TRMT9B: variants seen among roughly 807,000 people sequenced by gnomAD.
TRMT9B encodes tRNA methyltransferase 9B (putative).
Under a neutral mutation model 11.5 loss-of-function variants are expected in TRMT9B, and 16 were observed. The observed-to-expected ratio is 1.39, with a 90% CI of 0.94 to 2.11. TRMT9B has a LOEUF of 2.11. Among genes scored for constraint, TRMT9B ranks in the 30% most tolerant of loss-of-function variants. The pLI is 0.00. For missense variants in TRMT9B, 941 were observed against 553.8 expected, an observed-to-expected ratio of 1.70 and a Z score of -7.02; for synonymous variants, 274 against 192.4, an observed-to-expected ratio of 1.42 and a Z score of -3.51.
At chr8:12,999,699 T>C (rs1470985495) in intron 2 of TRMT9B, among the ~76,000 whole-genome samples, 2 of 152,184 alleles carry the variant, frequency 1.3e-5, no homozygotes, top group Non-Finnish European at 2.9e-5. Flanking sequence ...GTTCAGAATC[T>C]AGTAGAAATA....
At chr8:12,993,675 C>G (rs988179194) in intron 2 of TRMT9B, among the ~76,000 whole-genome samples, 2 of 152,214 alleles carry the variant, frequency 1.3e-5, no homozygotes, top group African/African-American at 2.4e-5. Flanking sequence ...ACATTGCTAT[C>G]TCAGCAGATT....
intron 1 of TRMT9B, among the ~76,000 whole-genome samples, chr8:12,980,409 C>T (rs76243364): frequency 3.4e-5 from 5 of 146,958 alleles, no homozygotes; most frequent in Admixed American, 7.0e-5. Context: ...ACCCTTTTTT[C>T]CAAATAAGGT....
chr8:12,989,315 T>C (rs147408280), intron 1 of TRMT9B, among the ~76,000 whole-genome samples: 1 of 152,234 alleles, frequency 6.6e-6, no homozygotes, highest in Non-Finnish European at 1.5e-5. Context: ...TTTAGATATA[T>C]ACGACCCCAT....
chr8:12,998,694 C>T (rs75606774), intron 2 of TRMT9B, among the ~76,000 whole-genome samples: 3 of 152,220 alleles, frequency 2.0e-5, no homozygotes, highest in African/African-American at 4.8e-5. Flanking sequence ...AGCCTTCTTT[C>T]TCAGAGTTCA....
At chr8:12,992,002 G>T (rs1039648148) in intron 2 of TRMT9B, among the ~76,000 whole-genome samples, 1 of 152,142 alleles carries the variant, frequency 6.6e-6, no homozygotes, top group Non-Finnish European at 1.5e-5. Flanking sequence ...GAAAAGCTCA[G>T]TCTTGCTTTC....
chr8:13,016,717 T>A (rs569358102), intron 4 of TRMT9B, among the ~76,000 whole-genome samples: 96 of 151,762 alleles, frequency 6.3e-4, no homozygotes, highest in Non-Finnish European at 3.1e-4. Context: ...ACAATGCCCT[T>A]CAGGCTAGTG....
At chr8:12,968,833 G>C (rs1225496234) in intron 1 of TRMT9B, among the ~76,000 whole-genome samples, 1 of 152,180 alleles carries the variant, frequency 6.6e-6, no homozygotes, top group Non-Finnish European at 1.5e-5. Flanking sequence ...CACAGGCCTG[G>C]CCTGACTCAC....
At chr8:13,005,062 G>T (rs963686538) in intron 2 of TRMT9B, among the ~76,000 whole-genome samples, 1 of 150,446 alleles carries the variant, frequency 6.6e-6, no homozygotes, top group South Asian at 2.1e-4. Flanking sequence ...CTCCAGCCTG[G>T]GCGATACAGC....
intron 1 of TRMT9B, among the ~76,000 whole-genome samples, chr8:12,958,032 C>T (rs973155822): frequency 6.6e-6 from 1 of 152,084 alleles, no homozygotes; most frequent in Non-Finnish European, 1.5e-5. Context: ...TCCGTTTTCA[C>T]CCGGCTGATA....
intron 1 of TRMT9B, among the ~76,000 whole-genome samples, chr8:12,950,537 T>TTTCTTTCTTTCTTTC (rs1800514667): frequency 6.7e-6 from 1 of 149,356 alleles, no homozygotes; most frequent in African/African-American, 2.5e-5. Flanking sequence ...ACTCGTGGTT[T>TTTCTTTCTTTCTTTC]TTTCTTTCTT....
intron 3 of TRMT9B, chr8:13,012,180 C>G (rs570442115): frequency 3.0e-6 from 3 of 985,160 alleles, no homozygotes; most frequent in East Asian, 1.1e-4. Flanking sequence ...TATTGCCTTT[C>G]TCTCTTCTAT....
chr8:12,976,494 C>A (rs1367840883), intron 1 of TRMT9B, among the ~76,000 whole-genome samples: 1 of 151,708 alleles, frequency 6.6e-6, no homozygotes, highest in Non-Finnish European at 1.5e-5. Context: ...AATCTCAGCA[C>A]TTTGGGAGGC....
intron 2 of TRMT9B, among the ~76,000 whole-genome samples, chr8:13,005,514 A>T (rs577983535): frequency 1.5e-3 from 233 of 152,342 alleles, no homozygotes; most frequent in African/African-American, 5.5e-3. Context: ...TACGCCTTGC[A>T]TGCCTGTATC....
At chr8:13,012,233 T>C (rs1285447467) in intron 3 of TRMT9B, 3 of 985,452 alleles carry the variant, frequency 3.0e-6, no homozygotes, top group Non-Finnish European at 3.6e-6. Flanking sequence ...TCTTTTGCTT[T>C]TGTGAATACC....
Position 13,022,015 on chromosome 8 carries a change from ATTGC to A in TRMT9B, c.1337_1340del (p.Ile446LysfsTer20). The A allele has an allele frequency of 6.2e-7, 1 of 1,603,244 alleles. No individual in the cohort carries two copies. The highest frequency in any genetic ancestry group is 8.5e-7 in the Non-Finnish European group (1 of 1,175,856). ...GAATGATCATGGTAACTGGTGTATC[ATTGC>A]AGAGAAAAAGAGAGGTTGTGATTGA... On this transcript the variant is annotated frameshift_variant, in exon 5 of 5. Coordinates refer to ENST00000524591, the MANE Select transcript of TRMT9B (RefSeq NM_020844.3). LOFTEE classifies it high-confidence loss of function.
intron 1 of TRMT9B, among the ~76,000 whole-genome samples, chr8:12,976,874 A>G (rs1323808754): frequency 6.6e-6 from 1 of 152,124 alleles, no homozygotes; most frequent in African/African-American, 2.4e-5. Flanking sequence ...GCAAAGGACA[A>G]AGCCATTGTT....
intron 1 of TRMT9B, among the ~76,000 whole-genome samples, chr8:12,956,992 T>C (rs1424526358): frequency 1.3e-5 from 2 of 152,204 alleles, no homozygotes; most frequent in Admixed American, 1.3e-4. Flanking sequence ...TTACCTCTGA[T>C]ATTTGGAGTT....
At chr8:12,997,380 C>A (rs553131726) in intron 2 of TRMT9B, among the ~76,000 whole-genome samples, 2 of 152,252 alleles carry the variant, frequency 1.3e-5, no homozygotes, top group African/African-American at 4.8e-5. Flanking sequence ...CAGTCACCTT[C>A]CACCATGAGT....
intron 1 of TRMT9B, among the ~76,000 whole-genome samples, chr8:12,989,828 T>C (rs965930710): frequency 6.6e-6 from 1 of 152,236 alleles, no homozygotes; most frequent in African/African-American, 2.4e-5. Context: ...TCAAAATGCT[T>C]CTTAAACGCA....
Sources: allele counts gnomAD v4.1 joint callset (sites outside exome capture counted in the v4.1 genomes callset), GRCh38; gene constraint gnomAD v4.1.1; transcripts MANE v1.5; gene names NCBI Gene and HGNC (gene_info 2026-07-23, HGNC 2026-07-21).